Variants in PHF3 observed in about 807,000 individuals in gnomAD.
PHF3 encodes PHD finger protein 3.
In PHF3, 41 loss-of-function variants were observed where a neutral mutation model predicts 178.4. The ratio of observed to expected loss-of-function variants is 0.23; its 90% CI spans 0.18 to 0.30. The LOEUF is 0.30. Among genes scored for constraint, PHF3 ranks in the 10% least tolerant of loss-of-function variants. The pLI, the probability that PHF3 is intolerant of heterozygous loss-of-function variation, is 1.00. For missense variants in PHF3, 2,346 were observed against 2,398.1 expected (o/e 0.98, Z 0.45); for synonymous variants, 842 against 800.5 (o/e 1.05, Z -0.88).
intron 10 of PHF3, 79 bp downstream of exon 10, chr6:63,702,718 T>C: frequency 7.1e-7 from 1 of 1,402,554 alleles, no homozygotes; most frequent in South Asian, 1.4e-5. Context: ...GTTTTTAAAG[T>C]AGAGAAAAGA....
At chr6:63,707,099 G>C (rs1767726950) in intron 13 of PHF3, among the ~76,000 whole-genome samples, 1 of 152,222 alleles carries the variant, frequency 6.6e-6, no homozygotes, top group Non-Finnish European at 1.5e-5. Flanking sequence ...CTTTTCCCAA[G>C]ATGTACTGCC....
At chr6:63,682,406 A>T (rs1185260777) in intron 3 of PHF3, among the ~76,000 whole-genome samples, 1 of 152,072 alleles carries the variant, frequency 6.6e-6, no homozygotes, top group African/African-American at 2.4e-5. Flanking sequence ...TATGTCAAAT[A>T]CTTGGTAATC....
At chr6:63,654,641 G>A (rs1765155445) in intron 2 of PHF3, among the ~76,000 whole-genome samples, 1 of 152,108 alleles carries the variant, frequency 6.6e-6, no homozygotes, top group Non-Finnish European at 1.5e-5. Context: ...TAGATATTTG[G>A]AAGTTTATCA....
At chr6:63,658,550 T>G (rs1765332170) in intron 2 of PHF3, among the ~76,000 whole-genome samples, 1 of 152,188 alleles carries the variant, frequency 6.6e-6, no homozygotes, top group Admixed American at 6.6e-5. Flanking sequence ...TCTCCGTTGT[T>G]ACCTTGATGT....
chr6:63,702,482 A>AT (rs1253161605), intron 9 of PHF3, 26 bp from the exon 10 acceptor site: 1 of 1,474,292 alleles, frequency 6.8e-7, no homozygotes, highest in Non-Finnish European at 9.1e-7. Flanking sequence ...TAAATTTAAT[A>AT]TTTTTAAAAA....
intron 2 of PHF3, among the ~76,000 whole-genome samples, chr6:63,673,036 C>T (rs1765987373): frequency 6.6e-6 from 1 of 152,074 alleles, no homozygotes; most frequent in African/African-American, 2.4e-5. Flanking sequence ...GTTCACTGCT[C>T]AGTAAAGCTC....
Position 63,646,564 on chromosome 6 carries a change from G to T in PHF3, c.13G>T (p.Asp5Tyr). MDIVDTFNHLIPTEH... is the reference protein window; with the variant it reads MDIVYTFNHLIPTEH... ...CACAGAAGTCTTCATGGATATAGTT[G>T]ATACATTTAATCATTTAATTCCTAC... is the stretch of plus-strand genomic sequence containing the variant. Residue 5 changes from aspartate (D) to tyrosine (Y), a missense_variant, in exon 2 of 16, where the codon GAT becomes TAT. Coordinates refer to ENST00000262043, the MANE Select transcript of PHF3 (RefSeq NM_001370348.2). 1 of 1,609,724 alleles carries T rather than the reference G, an allele frequency of 6.2e-7. No homozygotes were observed. Among genetic ancestry groups the T allele is most frequent in the South Asian group, 1.1e-5 (1 of 90,842 alleles).
At chr6:63,657,230 T>C (rs909846573) in intron 2 of PHF3, among the ~76,000 whole-genome samples, 2 of 152,242 alleles carry the variant, frequency 1.3e-5, no homozygotes, top group African/African-American at 2.4e-5. Context: ...TGCTAAGAAT[T>C]CTTTCATGTA....
chr6:63,640,098 T>C (rs147965316), intron 1 of PHF3, among the ~76,000 whole-genome samples: 7 of 152,352 alleles, frequency 4.6e-5, no homozygotes, highest in Admixed American at 6.5e-5. Flanking sequence ...AGAAAAGTTA[T>C]GATCCTTGCT....
chr6:63,678,197 T>G (rs1375872034), intron 2 of PHF3, among the ~76,000 whole-genome samples: 1 of 149,318 alleles, frequency 6.7e-6, no homozygotes, highest in African/African-American at 2.5e-5. Context: ...CACTCCAGCT[T>G]GGGCAAGAGT....
chr6:63,712,709 C>G lies in PHF3; in HGVS notation c.5121C>G (p.Asn1707Lys), dbSNP rs764370112. The G allele has an allele frequency of 1.2e-6, 2 of 1,613,852 alleles. No individual in the cohort carries two copies. The highest frequency in any genetic ancestry group is 2.7e-5 in the African/African-American group (2 of 74,900). ...VEEKLCSAEK[N>K]SCVQQSDNLK... The stretch of plus-strand genomic sequence containing the variant: ...AAAAGTTGTGTTCTGCAGAGAAAAA[C>G]TCGTGTGTTCAGCAGAGTGACAATT... The change falls in exon 16 of 16, where the codon AAC becomes AAG. Residue 1707 changes from asparagine to lysine, a missense_variant. Transcript: ENST00000262043.
At chr6:63,711,465 A>T in intron 15 of PHF3, 103 bp downstream of exon 15, 1 of 1,334,914 alleles carries the variant, frequency 7.5e-7, no homozygotes, top group Non-Finnish European at 1.0e-6. Context: ...CCAGCCCTCT[A>T]GAGATGGCTT....
At chr6:63,679,489 G>GT (rs201419931) in intron 2 of PHF3, among the ~76,000 whole-genome samples, 1,937 of 146,734 alleles carry the variant, frequency 0.013, 40 homozygotes, top group African/African-American at 0.044. Flanking sequence ...GTTTCTTCCT[G>GT]TTTTTTTTTT....
chr6:63,636,999 T>C (rs1764370956), intron 1 of PHF3, among the ~76,000 whole-genome samples: 1 of 152,140 alleles, frequency 6.6e-6, no homozygotes, highest in Non-Finnish European at 1.5e-5. Context: ...TAAATGCCAA[T>C]TCCTAGAGAC....
intron 1 of PHF3, among the ~76,000 whole-genome samples, chr6:63,644,889 T>A (rs2149537904): frequency 8.0e-6 from 1 of 124,934 alleles, no homozygotes; most frequent in Non-Finnish European, 1.8e-5. Context: ...TTTGTTGGAT[T>A]TTTTTTTTTT....
At chr6:63,664,380 T>A (rs950476754) in intron 2 of PHF3, among the ~76,000 whole-genome samples, 10 of 152,186 alleles carry the variant, frequency 6.6e-5, no homozygotes, top group African/African-American at 2.4e-4. Context: ...ATTCAATTCT[T>A]GTTTTACTCT....
At chr6:63,690,366 G>T (rs908948546) in intron 4 of PHF3, among the ~76,000 whole-genome samples, 2 of 152,128 alleles carry the variant, frequency 1.3e-5, no homozygotes, top group African/African-American at 4.8e-5. Context: ...TCAAGGCATA[G>T]TAGTGGTTTT....
At chr6:63,643,035 C>T (rs1764642410) in intron 1 of PHF3, among the ~76,000 whole-genome samples, 1 of 151,840 alleles carries the variant, frequency 6.6e-6, no homozygotes, top group Non-Finnish European at 1.5e-5. Context: ...AAAGCTAGTG[C>T]CTTTATCAGA....
At position 63,721,885 on chromosome 6, in the gene PHF3, T is replaced by G. The variant is rs1582140939; in HGVS notation, c.*8177T>G. ...CTGTTTCTGGCCAAGTTGGATAAGT[T>G]TTAGTTATGGGGAAAAAAGTAACAG... On this transcript the variant is annotated 3_prime_UTR_variant, in exon 16 of 16. Coordinates refer to ENST00000262043, the MANE Select transcript of PHF3 (RefSeq NM_001370348.2). 31 of 1,264,964 alleles carry G rather than the reference T, an allele frequency of 2.5e-5. No homozygotes were observed. In the East Asian group the frequency reaches 7.9e-4, roughly 32 times the overall value. 78.4% of individuals were successfully genotyped at this position (1,264,964 alleles called of 1,614,324 possible). A position where few individuals can be genotyped will look rare whatever the true frequency, so the allele number is the denominator to read the frequency against.
Sources: allele counts gnomAD v4.1 joint callset (sites outside exome capture counted in the v4.1 genomes callset), GRCh38; gene constraint gnomAD v4.1.1; transcripts MANE v1.5; gene names NCBI Gene and HGNC (gene_info 2026-07-23, HGNC 2026-07-21).